The following DYNC2I2 variants were observed in gnomAD, a reference collection of about 807,000 sequenced individuals.
The protein encoded by DYNC2I2 is cytoplasmic dynein 2 intermediate chain 2.
A neutral mutation model predicts 52.0 loss-of-function variants in DYNC2I2; 39 were observed. The ratio of observed to expected loss-of-function variants is 0.75; its 90% CI spans 0.58 to 0.98. The LOEUF is 0.98. Among genes scored for constraint, DYNC2I2 ranks in the 50% least tolerant of loss-of-function variants. The pLI, the probability that DYNC2I2 is intolerant of heterozygous loss-of-function variation, is 0.00. For synonymous variants in DYNC2I2, 359 were observed against 321.1 expected, an observed-to-expected ratio of 1.12 and a Z score of -1.26; for missense variants, 743 against 728.4, an observed-to-expected ratio of 1.02 and a Z score of -0.23.
At chr9:128,667,622 T>G in the DYNC2I2 span, among the ~76,000 whole-genome samples, 4 of 151,740 alleles carry the variant, frequency 2.6e-5, no homozygotes, top group Admixed American at 6.6e-5. Flanking sequence ...CAGGCTGGAG[T>G]GCAGTGGCTC....
intron 1 of DYNC2I2, 53 bp from the exon 2 acceptor site, chr9:128,640,992 C>T: frequency 6.6e-7 from 1 of 1,520,226 alleles, no homozygotes. Flanking sequence ...CGCACAGCCC[C>T]CACCCAGCCC....
At chr9:128,635,340 C>G (rs1349102999) in intron 5 of DYNC2I2, 81 bp from the exon 6 acceptor site, 1 of 1,474,398 alleles carries the variant, frequency 6.8e-7, no homozygotes, top group African/African-American at 1.4e-5. Context: ...CCCTCCCTCT[C>G]TTCCAGGAAA....
chr9:128,649,152 A>G (rs1264103958), intron 1 of DYNC2I2, among the ~76,000 whole-genome samples: 1 of 152,166 alleles, frequency 6.6e-6, no homozygotes, highest in Non-Finnish European at 1.5e-5. Flanking sequence ...ACTTTTTAAA[A>G]TGGTTAAAAC....
chr9:128,635,472 A>C (rs753376226), intron 5 of DYNC2I2, 186 bp downstream of exon 5: 31 of 796,254 alleles, frequency 3.9e-5, no homozygotes, highest in Non-Finnish European at 5.3e-5. Flanking sequence ...CCTGCAGAGG[A>C]GGCTGGGAAT....
the DYNC2I2 span, among the ~76,000 whole-genome samples, chr9:128,665,967 C>A: frequency 7.0e-6 from 1 of 142,760 alleles, no homozygotes; most frequent in Admixed American, 7.0e-5. Context: ...CCCAGCTACT[C>A]GGGAGGCTGA....
At chr9:128,672,363 T>G in the DYNC2I2 span, among the ~76,000 whole-genome samples, 36 of 152,070 alleles carry the variant, frequency 2.4e-4, no homozygotes, top group African/African-American at 8.2e-4. Context: ...CTGGCTAATT[T>G]TTATAGTTTC....
At chr9:128,668,443 G>A in the DYNC2I2 span, among the ~76,000 whole-genome samples, 9 of 152,148 alleles carry the variant, frequency 5.9e-5, no homozygotes, top group South Asian at 1.5e-3. Flanking sequence ...CCGCCTTGGC[G>A]TGAGCCACTG....
At chr9:128,639,752 G>A (rs1036619792) in intron 2 of DYNC2I2, among the ~76,000 whole-genome samples, 18 of 149,634 alleles carry the variant, frequency 1.2e-4, no homozygotes, top group East Asian at 4.1e-4. Context: ...TGCAAGCTCC[G>A]TCTCCCGGGT....
At chr9:128,658,265 A>G (rs1361273650), upstream of DYNC2I2, among the ~76,000 whole-genome samples, 2 of 151,526 alleles carry the variant, frequency 1.3e-5, no homozygotes, top group African/African-American at 4.9e-5. Flanking sequence ...TCCCCAGTTC[A>G]AGCGATTCTC....
At chr9:128,665,056 C>CT in the DYNC2I2 span, among the ~76,000 whole-genome samples, 2,790 of 138,768 alleles carry the variant, frequency 0.02, 90 homozygotes, top group African/African-American at 0.066. Context: ...TTTTCTTTTT[C>CT]TTTTTTTTTT....
At chr9:128,657,378 C>A (rs756378910), upstream of DYNC2I2, among the ~76,000 whole-genome samples, 8 of 152,068 alleles carry the variant, frequency 5.3e-5, no homozygotes, top group Non-Finnish European at 1.2e-4. Context: ...ACGTCTCTTT[C>A]TTATTAAGTT....
At chr9:128,673,968 T>C in the DYNC2I2 span, among the ~76,000 whole-genome samples, 3 of 148,658 alleles carry the variant, frequency 2.0e-5, no homozygotes, top group Non-Finnish European at 4.5e-5. Flanking sequence ...CCACCACACC[T>C]GGCTAATTTT....
At chr9:128,662,321 T>C in the DYNC2I2 span, among the ~76,000 whole-genome samples, 1 of 152,152 alleles carries the variant, frequency 6.6e-6, no homozygotes, top group African/African-American at 2.4e-5. Context: ...CTCTTTGTGT[T>C]GAGAGGCTGG....
the DYNC2I2 span, chr9:128,663,118 G>A: frequency 6.6e-6 from 1 of 152,158 alleles, no homozygotes; most frequent in African/African-American, 2.4e-5. Flanking sequence ...TAATGATCCA[G>A]ATTGAACCTC....
In DYNC2I2 at chr9:128,634,895, G is replaced by A. The variant is rs146077746; in HGVS notation, c.1008C>T (p.Gly336=). The A allele has an allele frequency of 1.3e-3, 2,077 of 1,612,834 alleles. 3 individuals are homozygous for A. Among genetic ancestry groups the A allele is most frequent in the Non-Finnish European group, 1.4e-3 (1,670 of 1,179,866 alleles). Residue 336 remains glycine, a synonymous_variant, in exon 7 of 9, where the codon GGC becomes GGT. Coordinates refer to ENST00000372715, the MANE Select transcript of DYNC2I2 (RefSeq NM_052844.4). ...AGCTGGAGAAGGCCACTGCCGTGGC[G>A]CCCACCTCGGTCTCCCCGCGGGGAT... The part of the protein sequence containing the change: ...KKHPRGETEV[G]ATAVAFSSFD...
intron 1 of DYNC2I2, among the ~76,000 whole-genome samples, chr9:128,642,428 C>A (rs1181745852): frequency 1.4e-5 from 2 of 141,928 alleles, no homozygotes; most frequent in African/African-American, 5.3e-5. Context: ...TGCACTCCAG[C>A]CTGGCCTATG....
chr9:128,644,376 G>T (rs560546130), intron 1 of DYNC2I2, among the ~76,000 whole-genome samples: 1 of 151,380 alleles, frequency 6.6e-6, no homozygotes, highest in Admixed American at 6.6e-5. Flanking sequence ...TTGGGCTCAG[G>T]CAATCCTCCC....
At chr9:128,634,034 C>T (rs745483287) in intron 8 of DYNC2I2, 52 bp from the exon 9 acceptor site, 10 of 1,599,028 alleles carry the variant, frequency 6.3e-6, no homozygotes, top group Admixed American at 5.0e-5. Context: ...AGACCAACCA[C>T]ATGGCAGGAG....
Position 128,636,982 on chromosome 9 carries a change from C to G in DYNC2I2, c.481G>C (p.Gly161Arg), listed in dbSNP as rs1263284950. 1 of 1,613,512 alleles carries G rather than the reference C, an allele frequency of 6.2e-7. No homozygotes were observed. The highest frequency in any genetic ancestry group is 8.5e-7 in the Non-Finnish European group (1 of 1,180,008). The change falls in exon 3 of 9, where the codon GGT becomes CGT. Residue 161 changes from glycine (G) to arginine (R), a missense_variant. Coordinates refer to ENST00000372715, the MANE Select transcript of DYNC2I2 (RefSeq NM_052844.4). ...TLGYPPAQAQ[G>R]LHVTSISWNS... ...CAGGAGATGCTGGTCACATGCAGAC[C>G]CTGCGCTTGGGCTGGCGGGTAGCCC...
Sources: allele counts gnomAD v4.1 joint callset (sites outside exome capture counted in the v4.1 genomes callset), GRCh38; gene constraint gnomAD v4.1.1; transcripts MANE v1.5; gene names NCBI Gene and HGNC (gene_info 2026-07-23, HGNC 2026-07-21).